Variants in EXOC2 observed in about 807,000 individuals in gnomAD.
EXOC2 encodes the protein exocyst complex component 2.
In EXOC2, 70 loss-of-function variants were observed where a neutral mutation model predicts 131.8. That is an observed-to-expected ratio of 0.53 (90% CI 0.44 to 0.65). EXOC2 has a LOEUF of 0.65. Among genes scored for constraint, EXOC2 ranks in the 30% least tolerant of loss-of-function variants. The pLI is 0.00. For synonymous variants in EXOC2, 411 were observed against 398.4 expected, an observed-to-expected ratio of 1.03 and a Z score of -0.38; for missense variants, 923 against 1,108.6, an observed-to-expected ratio of 0.83 and a Z score of 2.38.
rs553625271 is a variant in EXOC2 at position 674,340 on chromosome 6, G to A, written c.-44+18679C>T. Reference sequence around the variant, plus strand: ...ATAAAGACAGAATTTGTTTAGCCTTGGAAGTGACTTATTTATTTACTCTTT... The same window carrying A: ...ATAAAGACAGAATTTGTTTAGCCTTAGAAGTGACTTATTTATTTACTCTTT... On this transcript the variant is annotated intron_variant, in intron 1 of 27. Coordinates refer to ENST00000230449, the MANE Select transcript of EXOC2 (RefSeq NM_018303.6). 1.1e-4 allele frequency among the ~76,000 whole-genome samples: 17 copies of A among 148,012 alleles called. No individual in the cohort carries two copies. In the East Asian group the frequency reaches 3.1e-3, roughly 27 times the overall value.
At chr6:688,430 C>G (rs1159650748) in intron 1 of EXOC2, among the ~76,000 whole-genome samples, 1 of 152,116 alleles carries the variant, frequency 6.6e-6, no homozygotes. Flanking sequence ...CAGGCAGATG[C>G]TACAGAACAA....
intron 4 of EXOC2, among the ~76,000 whole-genome samples, chr6:626,163 C>T (rs957863318): frequency 6.6e-6 from 1 of 152,134 alleles, no homozygotes; most frequent in African/African-American, 2.4e-5. Flanking sequence ...AGTCTCAATT[C>T]AAAGTGAAGT....
intron 1 of EXOC2, chr6:679,654 T>C (rs1349071204): frequency 1.3e-5 from 2 of 152,118 alleles, no homozygotes; most frequent in African/African-American, 2.4e-5. Context: ...TTCCCATAAC[T>C]GCAAAAATGT....
chr6:565,881 G>T (rs530608366), intron 13 of EXOC2, among the ~76,000 whole-genome samples: 2 of 152,112 alleles, frequency 1.3e-5, no homozygotes, highest in Non-Finnish European at 2.9e-5. Context: ...TGCGTGTAGG[G>T]TTAGTTTATA....
chr6:554,142 A>G (rs1236876982), intron 20 of EXOC2, among the ~76,000 whole-genome samples: 3 of 151,910 alleles, frequency 2.0e-5, no homozygotes, highest in Non-Finnish European at 4.4e-5. Context: ...CCTGGGTTCA[A>G]CCCATTCTTC....
intron 2 of EXOC2, among the ~76,000 whole-genome samples, chr6:635,888 C>T (rs1762077552): frequency 6.6e-6 from 1 of 152,168 alleles, no homozygotes; most frequent in Non-Finnish European, 1.5e-5. Flanking sequence ...TGGTAAAACC[C>T]CATCTCTACT....
intron 1 of EXOC2, among the ~76,000 whole-genome samples, chr6:685,675 C>T (rs1764610709): frequency 6.6e-6 from 1 of 152,086 alleles, no homozygotes; most frequent in African/African-American, 2.4e-5. Flanking sequence ...AATCCTCTTG[C>T]TCCTCCTGCT....
intron 23 of EXOC2, among the ~76,000 whole-genome samples, chr6:522,895 G>A (rs1358983156): frequency 6.6e-6 from 1 of 152,262 alleles, no homozygotes; most frequent in African/African-American, 2.4e-5. Context: ...GGTATGAAGA[G>A]ATGAGGCTTC....
intron 1 of EXOC2, among the ~76,000 whole-genome samples, chr6:639,113 G>A (rs930009200): frequency 3.9e-5 from 6 of 152,084 alleles, no homozygotes; most frequent in African/African-American, 1.4e-4. Flanking sequence ...ACAGTCTGGA[G>A]AAGAGAAGTT....
chr6:622,504 C>T lies in EXOC2; in HGVS notation c.423-2961G>A, dbSNP rs146785734. ...ACAGGGAATGAACGGCAGTTGCTAGCGTTAAGAGCTGATGATGTGAAGAAA... is the reference window on the plus strand; with the variant it reads ...ACAGGGAATGAACGGCAGTTGCTAGTGTTAAGAGCTGATGATGTGAAGAAA... On this transcript the variant is annotated intron_variant, in intron 4 of 27. Coordinates refer to ENST00000230449, the MANE Select transcript of EXOC2 (RefSeq NM_018303.6). Among the ~76,000 whole-genome samples, 117 of 152,172 alleles carry T rather than the reference C, an allele frequency of 7.7e-4. No homozygotes were observed. The East Asian group carries it at 0.019, about 25-fold the overall frequency.
intron 25 of EXOC2, among the ~76,000 whole-genome samples, chr6:494,115 T>TA (rs1763588210): frequency 6.6e-6 from 1 of 152,304 alleles, no homozygotes; most frequent in East Asian, 1.9e-4. Context: ...CCTTTCAACT[T>TA]AAACGATAAT....
chr6:536,925 G>A (rs1460621954), intron 22 of EXOC2, among the ~76,000 whole-genome samples: 1 of 152,138 alleles, frequency 6.6e-6, no homozygotes, highest in African/African-American at 2.4e-5. Context: ...GACTTATTTA[G>A]AGCCTTCTAA....
At chr6:671,499 G>GCCA (rs1763869395) in intron 1 of EXOC2, among the ~76,000 whole-genome samples, 2 of 152,196 alleles carry the variant, frequency 1.3e-5, no homozygotes, top group African/African-American at 4.8e-5. Context: ...GAACCCAGAA[G>GCCA]CCACTGCATT....
intron 1 of EXOC2, among the ~76,000 whole-genome samples, chr6:677,374 T>C (rs914853131): frequency 1.3e-5 from 2 of 152,246 alleles, no homozygotes; most frequent in Non-Finnish European, 2.9e-5. Flanking sequence ...AGGTGGTATA[T>C]GTAGGAATAA....
chr6:525,691 A>C (rs992577973), intron 23 of EXOC2: 2 of 152,232 alleles, frequency 1.3e-5, no homozygotes, highest in Non-Finnish European at 2.9e-5. Context: ...TTTTAAAAAC[A>C]AAATTTTAAA....
At chr6:692,785 C>T (rs1764997997) in intron 1 of EXOC2, among the ~76,000 whole-genome samples, 1 of 73,106 alleles carries the variant, frequency 1.4e-5, no homozygotes, top group African/African-American at 3.6e-5. Flanking sequence ...CGCGGGGGTG[C>T]GAACTGGCGG....
At chr6:635,307 T>C (rs1039205903) in intron 2 of EXOC2, among the ~76,000 whole-genome samples, 6 of 152,242 alleles carry the variant, frequency 3.9e-5, no homozygotes, top group Non-Finnish European at 2.9e-5. Flanking sequence ...CTGAATGATA[T>C]GCATGGAGGT....
intron 23 of EXOC2, chr6:525,191 GC>G (rs1419793998): frequency 3.3e-5 from 5 of 152,150 alleles, no homozygotes; most frequent in Non-Finnish European, 7.4e-5. Flanking sequence ...AATTAAGAAA[GC>G]ATGCTACATT....
chr6:682,388 G>A (rs1390687153), intron 1 of EXOC2, among the ~76,000 whole-genome samples: 3 of 151,928 alleles, frequency 2.0e-5, no homozygotes, highest in African/African-American at 7.3e-5. Flanking sequence ...TTTTAGTAGA[G>A]ACAGGGTTTC....
Sources: allele counts gnomAD v4.1 joint callset (sites outside exome capture counted in the v4.1 genomes callset), GRCh38; gene constraint gnomAD v4.1.1; transcripts MANE v1.5; gene names NCBI Gene and HGNC (gene_info 2026-07-23, HGNC 2026-07-21).